DCTN1: variants seen among roughly 807,000 people sequenced by gnomAD.
The protein encoded by DCTN1 is 150 kDa dynein-associated polypeptide.
DCTN1 carries 61 observed loss-of-function variants against 161.2 expected under a neutral mutation model. The observed-to-expected ratio is 0.38, with a 90% CI of 0.31 to 0.47. The LOEUF is 0.47. Among genes scored for constraint, DCTN1 ranks in the 20% least tolerant of loss-of-function variants. DCTN1 has a pLI of 0.99. For missense variants in DCTN1, 1,404 were observed against 1,623.7 expected (o/e 0.86, Z 2.33); for synonymous variants, 653 against 632.4 (o/e 1.03, Z -0.49).
chr2:74,362,575 C>G (rs1674089234), intron 30 of DCTN1, 75 bp downstream of exon 30: 1 of 1,493,406 alleles, frequency 6.7e-7, no homozygotes, highest in Admixed American at 1.8e-5. Flanking sequence ...GGGCTGGGCT[C>G]AGAGGAACTC....
At chr2:74,371,808 A>C in intron 7 of DCTN1, 80 bp from the exon 8 acceptor site, 11 of 1,144,390 alleles carry the variant, frequency 9.6e-6, no homozygotes, top group Non-Finnish European at 1.3e-5. Context: ...GAATATGAGA[A>C]TATGGCAAGG....
chr2:74,370,917 T>C lies in DCTN1; in HGVS notation c.843+62A>G, dbSNP rs535522378. The C allele has an allele frequency of 1.5e-5, 25 of 1,613,382 alleles. No homozygotes were observed. In the South Asian group the frequency reaches 2.7e-4, roughly 18 times the overall value. On this transcript the variant is annotated intron_variant, in intron 9 of 31. Coordinates refer to ENST00000628224, the MANE Select transcript of DCTN1 (RefSeq NM_004082.5). This position sits in a 1 kb window ranked among gnomAD's most constrained non-coding sequence, Gnocchi z 4.4. ...GTTCCAGGCTCCAGCTCCAGTCTAG[T>C]TTCCAGCATGCTTCCTTAGGTCTCA... is the stretch of plus-strand genomic sequence containing the variant.
In DCTN1 at chr2:74,369,955, C is replaced by A. The variant is rs746624069; in HGVS notation, c.1392+10G>T. ...CCAAGTCAGATGTCAGGGGTCTGCTCTTCTCTTACCAAGTCTCCCACAGTC... is the reference window on the plus strand; with the variant it reads ...CCAAGTCAGATGTCAGGGGTCTGCTATTCTCTTACCAAGTCTCCCACAGTC... On this transcript the variant is annotated intron_variant, in intron 13 of 31. Coordinates refer to ENST00000628224, the MANE Select transcript of DCTN1 (RefSeq NM_004082.5). This position sits in a 1 kb window ranked among gnomAD's most constrained non-coding sequence, Gnocchi z 4.9. The A allele has an allele frequency of 2.5e-6, 4 of 1,613,744 alleles. No individual in the cohort carries two copies. In the South Asian group the frequency reaches 3.3e-5, roughly 13 times the overall value.
Position 74,366,467 on chromosome 2 carries a change from T to C in DCTN1, c.2620A>G (p.Ser874Gly). ...CAGCCATCCAGGCCCACCTGCTCGCTTGCTTTGAAAGCCAGTTCCTCCAGA... is the reference window on the plus strand; with the variant it reads ...CAGCCATCCAGGCCCACCTGCTCGCCTGCTTTGAAAGCCAGTTCCTCCAGA... ...AALEELAFKA[S>G]EQIYGTPSSS... The change falls in exon 22 of 32, where the codon AGC becomes GGC. Residue 874 changes from serine (S) to glycine (G), a missense_variant. This residue lies in a region of DCTN1 where 475 missense variants were observed against 489.8 expected (regional missense o/e 0.97). Transcript: ENST00000628224. 1.9e-6 allele frequency: 3 copies of C among 1,614,234 alleles called. No homozygotes were observed. The highest frequency in any genetic ancestry group is 2.2e-5 in the South Asian group (2 of 91,086).
chr2:74,386,094 A>C (rs1263052503), intron 1 of DCTN1, among the ~76,000 whole-genome samples: 4 of 152,100 alleles, frequency 2.6e-5, no homozygotes, highest in African/African-American at 9.7e-5. Flanking sequence ...GAGTTTCCCT[A>C]TGTAGTTGTC....
intron 27 of DCTN1, 65 bp downstream of exon 27, chr2:74,363,549 C>T: frequency 6.2e-7 from 1 of 1,603,354 alleles, no homozygotes; most frequent in Non-Finnish European, 8.5e-7. Context: ...GCTTCCCCCT[C>T]CACCCTGCTC....
chr2:74,388,609 CCCT>C (rs1675850310), intron 1 of DCTN1, among the ~76,000 whole-genome samples: 1 of 152,244 alleles, frequency 6.6e-6, no homozygotes, highest in Non-Finnish European at 1.5e-5. Context: ...GCTAATCATT[CCCT>C]CCTCTGTGCT....
In DCTN1 at chr2:74,371,592, G is replaced by A; in HGVS notation, c.590C>T (p.Pro197Leu). Residue 197 changes from proline to leucine, a missense_variant, in exon 8 of 32, where the codon CCC (proline) becomes CTC (leucine). Pro to Leu is a moderately conservative substitution (Grantham distance 98). Coordinates refer to ENST00000628224, the MANE Select transcript of DCTN1 (RefSeq NM_004082.5). ...AQTPLAAPIIPTPVLTSPGAV... is the reference protein window; with the variant it reads ...AQTPLAAPIILTPVLTSPGAV... ...TCCAGGAGAGGTGAGGACCGGCGTG[G>A]GGATGATGGGTGCTGCCAGCGGAGT... 6.3e-7 allele frequency: 1 copy of A among 1,588,588 alleles called. No homozygotes were observed. Among genetic ancestry groups the A allele is most frequent in the Non-Finnish European group, 8.6e-7 (1 of 1,167,964 alleles).
chr2:74,371,450 C>T, intron 8 of DCTN1, 87 bp downstream of exon 8: 1 of 1,402,770 alleles, frequency 7.1e-7, no homozygotes, highest in Non-Finnish European at 9.7e-7. Context: ...TAGGTCTTTG[C>T]CAACCCCAGG....
At chr2:74,383,278 T>C (rs80096063), upstream of DCTN1, among the ~76,000 whole-genome samples, 6,021 of 152,282 alleles carry the variant, frequency 0.04, 404 homozygotes, top group African/African-American at 0.14. Context: ...TTTTGAAGCA[T>C]AGCCCACACC....
chr2:74,367,325 G>T (rs554912393), intron 19 of DCTN1, 27 bp downstream of exon 19: 4 of 1,613,122 alleles, frequency 2.5e-6, no homozygotes, highest in East Asian at 2.2e-5. Context: ...CTCCACGGGG[G>T]CTCAATCACT....
intron 5 of DCTN1, among the ~76,000 whole-genome samples, chr2:74,375,307 C>A (rs1033646122): frequency 6.6e-6 from 1 of 152,232 alleles, no homozygotes; most frequent in Non-Finnish European, 1.5e-5. Context: ...TTTTCTTCTG[C>A]CTTCCCCTTC....
At chr2:74,362,489 T>G (rs565934921) in intron 30 of DCTN1, among the ~76,000 whole-genome samples, 161 bp downstream of exon 30, 1 of 152,298 alleles carries the variant, frequency 6.6e-6, no homozygotes, top group South Asian at 2.1e-4. Flanking sequence ...GTCTTCTGTT[T>G]GCACTGAGAC....
chr2:74,365,358 C>T (rs1391073018), intron 25 of DCTN1, 117 bp from the exon 26 acceptor site: 5 of 1,556,098 alleles, frequency 3.2e-6, no homozygotes, highest in South Asian at 1.2e-5. Context: ...CAGAGCAGCA[C>T]AGGCTTAGGC....
intron 6 of DCTN1, chr2:74,373,171 C>G (rs1573169621): frequency 1.6e-6 from 1 of 627,804 alleles, no homozygotes; most frequent in East Asian, 2.8e-5. Context: ...CCTGCTCCCA[C>G]TTTTGTCCAA....
Position 74,367,375 on chromosome 2 carries a change from T to C in DCTN1, c.2230A>G (p.Met744Val), listed in dbSNP as rs368579872. 4 of 1,613,996 alleles carry C rather than the reference T, an allele frequency of 2.5e-6. No homozygotes were observed. Among genetic ancestry groups the C allele is most frequent in the Admixed American group, 1.7e-5 (1 of 59,998 alleles). The change falls in exon 19 of 32, where the codon ATG becomes GTG. Residue 744 changes from methionine to valine, a missense_variant. By Grantham distance (21) the Met-to-Val change is conservative (BLOSUM62 1). Around this residue, in one of 9 missense-constraint regions of DCTN1, gnomAD observed 475 missense variants for 489.8 expected, o/e 0.97. Transcript: ENST00000628224. ...HLAEQPEDCT[M>V]QLADHIKFTQ... ...ACCTTAATGTGGTCAGCCAGCTGCA[T>C]AGTACAGTCCTCAGGCTGTTCGGCA... is the stretch of plus-strand genomic sequence containing the variant.
chr2:74,376,702 T>C (rs532487943), intron 5 of DCTN1, 40 bp downstream of exon 5: 3 of 1,584,056 alleles, frequency 1.9e-6, no homozygotes, highest in East Asian at 2.3e-5. Context: ...AAGGGGCTCA[T>C]GGCCCCCATC....
At chr2:74,387,211 T>C (rs1295073629) in intron 1 of DCTN1, among the ~76,000 whole-genome samples, 2 of 152,210 alleles carry the variant, frequency 1.3e-5, no homozygotes, top group Admixed American at 6.5e-5. Flanking sequence ...GCAACTGAGA[T>C]TGTCAATCCT....
chr2:74,374,041 A>C (rs1244726543), intron 6 of DCTN1, among the ~76,000 whole-genome samples: 3 of 152,232 alleles, frequency 2.0e-5, no homozygotes, highest in Non-Finnish European at 4.4e-5. Context: ...ACCCTCCCAG[A>C]TCCGGTATGC....
Sources: allele counts gnomAD v4.1 joint callset (sites outside exome capture counted in the v4.1 genomes callset), GRCh38; gene constraint gnomAD v4.1.1; regional missense constraint gnomAD v4.1.1; non-coding constraint Gnocchi (gnomAD v3.1); transcripts MANE v1.5; gene names NCBI Gene and HGNC (gene_info 2026-07-23, HGNC 2026-07-21).